Variants in OPCML observed in about 807,000 individuals in gnomAD.
OPCML encodes the protein opioid binding protein/cell adhesion molecule like.
In OPCML, 13 loss-of-function variants were observed where a neutral mutation model predicts 37.8. The observed-to-expected ratio is 0.34, with a 90% CI of 0.22 to 0.55. The LOEUF is 0.55. Ranked by LOEUF, OPCML falls within the 20% of genes least tolerant of loss-of-function variation. The pLI, the probability that OPCML is intolerant of heterozygous loss-of-function variation, is 0.91. For missense variants in OPCML, 341 were observed against 435.6 expected, an observed-to-expected ratio of 0.78 and a Z score of 1.93; for synonymous variants, 176 against 168.8, an observed-to-expected ratio of 1.04 and a Z score of -0.33.
chr11:132,695,888 G>T lies in OPCML; in HGVS notation c.147-38569C>A, dbSNP rs554808268. 3.3e-5 allele frequency among the ~76,000 whole-genome samples: 5 copies of T among 152,290 alleles called. No homozygotes were observed. In the South Asian group the frequency reaches 6.2e-4, roughly 19 times the overall value. On this transcript the variant is annotated intron_variant, in intron 2 of 7. Transcript: ENST00000524381. ...CTCAGGAGAGTGCTCTAGCACAAGTGTGAACTTGTCAGACAGAATTCGGAG... is the reference window on the plus strand; with the variant it reads ...CTCAGGAGAGTGCTCTAGCACAAGTTTGAACTTGTCAGACAGAATTCGGAG...
chr11:132,601,939 T>C (rs1314820290), intron 3 of OPCML, among the ~76,000 whole-genome samples: 1 of 152,216 alleles, frequency 6.6e-6, no homozygotes, highest in African/African-American at 2.4e-5. Context: ...TTGTTACTAA[T>C]GCTCTTAATC....
At chr11:133,107,757 C>T (rs574098430) in intron 1 of OPCML, among the ~76,000 whole-genome samples, 1 of 152,350 alleles carries the variant, frequency 6.6e-6, no homozygotes, top group East Asian at 1.9e-4. Flanking sequence ...GATACTATTA[C>T]AGCAGAATGA....
Position 133,177,611 on chromosome 11 carries a change from G to C in OPCML, c.62-234601C>G, listed in dbSNP as rs1329429633. ...AAAATGTGAATACAACTCCAGTTCTGTACCCGACCCTGCCCGGACTGCCCC... is the reference window on the plus strand; with the variant it reads ...AAAATGTGAATACAACTCCAGTTCTCTACCCGACCCTGCCCGGACTGCCCC... On this transcript the variant is annotated intron_variant, in intron 1 of 7. Transcript: ENST00000524381. This position sits in a 1 kb window ranked among gnomAD's most constrained non-coding sequence, Gnocchi z 5.0. Among the ~76,000 whole-genome samples the C allele has an allele frequency of 6.6e-6, 1 of 152,122 alleles. No homozygotes were observed. Among genetic ancestry groups the C allele is most frequent in the East Asian group, 1.9e-4 (1 of 5,186 alleles).
chr11:133,087,729 G>A (rs1948838369), intron 1 of OPCML, among the ~76,000 whole-genome samples: 1 of 152,194 alleles, frequency 6.6e-6, no homozygotes, highest in South Asian at 2.1e-4. Context: ...ACAGTATTTG[G>A]AAGATGCTGC....
chr11:132,697,163 G>C (rs893777822), intron 2 of OPCML, among the ~76,000 whole-genome samples: 1 of 152,118 alleles, frequency 6.6e-6, no homozygotes, highest in Admixed American at 6.5e-5. Context: ...AAGAAAAATT[G>C]TGCATATTTA....
chr11:132,929,929 A>C (rs1227873525), intron 2 of OPCML, among the ~76,000 whole-genome samples: 1 of 152,222 alleles, frequency 6.6e-6, no homozygotes, highest in East Asian at 1.9e-4. Flanking sequence ...TCATATGTAA[A>C]AATTCCACTA....
intron 4 of OPCML, among the ~76,000 whole-genome samples, chr11:132,499,049 C>T (rs2096240088): frequency 6.6e-6 from 1 of 152,214 alleles, no homozygotes; most frequent in African/African-American, 2.4e-5. Context: ...GAGTGTGCTT[C>T]CCCGTGCATG....
In OPCML at chr11:132,638,186, T is replaced by TATATATATATATACAC. The variant is rs71067383; in HGVS notation, c.379+18900_379+18901insGTGTATATATATATAT. On this transcript the variant is annotated intron_variant, in intron 3 of 7. Transcript: ENST00000524381. ...GACTATATATATATATATATATATA[T>TATATATATATATACAC]ACAGAGAGAGAGAGAGCATATATAC... 6.9e-5 allele frequency among the ~76,000 whole-genome samples: 9 copies of TATATATATATATACAC among 131,080 alleles called. No homozygotes were observed. The East Asian group carries it at 1.3e-3, about 19-fold the overall frequency. The allele number at this position is 131,080 out of a possible 152,430, so 86.0% of individuals were successfully genotyped here.
intron 1 of OPCML, among the ~76,000 whole-genome samples, chr11:133,440,474 C>T (rs1946339431): frequency 6.6e-6 from 1 of 151,076 alleles, no homozygotes; most frequent in South Asian, 2.1e-4. Context: ...CGCCTGTAAT[C>T]CCAGCACTTT....
At chr11:132,663,919 G>T (rs1189816191) in intron 2 of OPCML, among the ~76,000 whole-genome samples, 5 of 152,018 alleles carry the variant, frequency 3.3e-5, no homozygotes, top group Admixed American at 6.5e-5. Context: ...TGCAAGCTCC[G>T]CCTCCCGGGT....
chr11:133,340,243 G>T (rs1433254143), intron 1 of OPCML, among the ~76,000 whole-genome samples: 1 of 152,176 alleles, frequency 6.6e-6, no homozygotes, highest in African/African-American at 2.4e-5. Context: ...CAACTTCCAG[G>T]CTCCAAAGAG....
intron 3 of OPCML, among the ~76,000 whole-genome samples, chr11:132,568,838 A>C (rs1317201131): frequency 6.6e-6 from 1 of 152,248 alleles, no homozygotes; most frequent in Non-Finnish European, 1.5e-5. Context: ...AAAAGTAATG[A>C]ATAAGATACA....
intron 3 of OPCML, among the ~76,000 whole-genome samples, chr11:132,587,231 A>T (rs1223578992): frequency 6.6e-6 from 1 of 152,254 alleles, no homozygotes; most frequent in Non-Finnish European, 1.5e-5. Flanking sequence ...TTGCAAAAGG[A>T]CATAACATCT....
intron 2 of OPCML, among the ~76,000 whole-genome samples, chr11:132,888,683 T>C (rs957469257): frequency 2.6e-5 from 4 of 152,198 alleles, no homozygotes; most frequent in Non-Finnish European, 5.9e-5. Context: ...CATAAATCAC[T>C]GAAAATCACC....
chr11:133,203,133 C>T (rs187082596), intron 1 of OPCML, among the ~76,000 whole-genome samples: 14 of 152,268 alleles, frequency 9.2e-5, no homozygotes, highest in South Asian at 6.2e-4. Flanking sequence ...TAACAAAGCC[C>T]GTGGTAACTG....
chr11:133,243,827 C>T (rs1472624882), intron 1 of OPCML, among the ~76,000 whole-genome samples: 1 of 152,238 alleles, frequency 6.6e-6, no homozygotes, highest in Non-Finnish European at 1.5e-5. Flanking sequence ...AAAGCAACTG[C>T]TGCAAGCCAA....
chr11:133,225,587 A>G (rs549510006), intron 1 of OPCML, among the ~76,000 whole-genome samples: 1 of 152,348 alleles, frequency 6.6e-6, no homozygotes, highest in East Asian at 1.9e-4. Flanking sequence ...GGCCACAATC[A>G]CCACAACAGA....
chr11:133,197,648 C>A (rs1938587420), intron 1 of OPCML, among the ~76,000 whole-genome samples: 1 of 152,190 alleles, frequency 6.6e-6, no homozygotes, highest in Non-Finnish European at 1.5e-5. Flanking sequence ...GGAAGGCTGA[C>A]AAATGGTGTT....
intron 1 of OPCML, among the ~76,000 whole-genome samples, chr11:133,032,313 C>A (rs573639324): frequency 6.6e-6 from 1 of 152,294 alleles, no homozygotes; most frequent in South Asian, 2.1e-4. Flanking sequence ...ATGCCCCAGC[C>A]CAGTACATCT....
Sources: gnomAD v4.1 joint callset for allele counts (sites outside exome capture counted in the v4.1 genomes callset) on GRCh38, gnomAD v4.1.1 for gene constraint, Gnocchi (gnomAD v3.1) non-coding constraint, MANE v1.5 for transcripts, NCBI Gene and HGNC (gene_info 2026-07-23, HGNC 2026-07-21) for gene names.